Variants in KANK1 observed in about 807,000 individuals in gnomAD.
The protein encoded by KANK1 is KN motif and ankyrin repeat domains 1.
KANK1 carries 109 observed loss-of-function variants against 106.2 expected under a neutral mutation model. That is an observed-to-expected ratio of 1.03 (90% CI 0.88 to 1.20). KANK1 has a LOEUF of 1.20. KANK1 is among the 50% of genes most tolerant of loss of function. The probability of loss-of-function intolerance (pLI) is 0.00; values close to 1 mark genes in which losing one functional copy is unlikely to be tolerated. For missense variants in KANK1, 2,399 were observed against 1,710.7 expected, an observed-to-expected ratio of 1.40 and a Z score of -7.10; for synonymous variants, 873 against 652.2, an observed-to-expected ratio of 1.34 and a Z score of -5.16.
intron 1 of KANK1, among the ~76,000 whole-genome samples, chr9:529,490 C>T (rs569550013): frequency 2.1e-5 from 2 of 93,754 alleles, no homozygotes; most frequent in East Asian, 3.3e-4. Flanking sequence ...TGAGCCACCG[C>T]GCCCGGCCTC....
At chr9:658,632 A>T (rs774715723) in intron 1 of KANK1, among the ~76,000 whole-genome samples, 2 of 151,832 alleles carry the variant, frequency 1.3e-5, no homozygotes, top group Non-Finnish European at 2.9e-5. Flanking sequence ...TAGATTTAAG[A>T]TTCATTTGGA....
At chr9:508,456 A>G (rs1417813588) in intron 1 of KANK1, among the ~76,000 whole-genome samples, 2 of 152,208 alleles carry the variant, frequency 1.3e-5, no homozygotes, top group East Asian at 3.9e-4. Flanking sequence ...ACATCTTAAG[A>G]GTACATCTTC....
intron 1 of KANK1, among the ~76,000 whole-genome samples, chr9:675,459 T>A (rs1816214074): frequency 1.3e-5 from 2 of 152,206 alleles, no homozygotes; most frequent in South Asian, 4.1e-4. Flanking sequence ...GCTAGTATTT[T>A]TCGAAAGGTA....
intron 1 of KANK1, among the ~76,000 whole-genome samples, chr9:670,574 C>T (rs1588755640): frequency 6.6e-6 from 1 of 152,100 alleles, no homozygotes; most frequent in Non-Finnish European, 1.5e-5. Context: ...AGTTCATGCC[C>T]AAGAGACCTG....
chr9:744,324 C>G (rs1365738736), intron 10 of KANK1, among the ~76,000 whole-genome samples, 167 bp from the exon 11 acceptor site: 1 of 152,214 alleles, frequency 6.6e-6, no homozygotes, highest in Non-Finnish European at 1.5e-5. Flanking sequence ...TTCACATCCT[C>G]AGGCCTTCAC....
At chr9:743,371 C>T (rs994439194) in intron 10 of KANK1, among the ~76,000 whole-genome samples, 5 of 152,228 alleles carry the variant, frequency 3.3e-5, no homozygotes, top group African/African-American at 9.6e-5. Context: ...GCAGCTGTAG[C>T]AGATTCCCTT....
chr9:705,498 C>T (rs1173271968), intron 2 of KANK1, among the ~76,000 whole-genome samples: 1 of 151,698 alleles, frequency 6.6e-6, no homozygotes, highest in African/African-American at 2.4e-5. Context: ...TTATTTATTC[C>T]TTCAGTAAAC....
intron 1 of KANK1, among the ~76,000 whole-genome samples, chr9:653,370 C>G (rs1427342335): frequency 6.6e-6 from 1 of 152,040 alleles, no homozygotes; most frequent in Non-Finnish European, 1.5e-5. Flanking sequence ...GTCTCCAGTT[C>G]TCACAAGCAG....
chr9:641,403 G>A (rs919686141), intron 1 of KANK1, among the ~76,000 whole-genome samples: 2 of 152,162 alleles, frequency 1.3e-5, no homozygotes, highest in African/African-American at 4.8e-5. Flanking sequence ...ATCCATCTTG[G>A]TGGTGATCCT....
chr9:560,423 G>A (rs551050546), intron 1 of KANK1, among the ~76,000 whole-genome samples: 2 of 152,308 alleles, frequency 1.3e-5, no homozygotes, highest in East Asian at 3.9e-4. Context: ...GAACTATTAA[G>A]GAAGAGGAAA....
intron 1 of KANK1, among the ~76,000 whole-genome samples, chr9:665,346 G>A (rs1844331223): frequency 6.6e-6 from 1 of 152,156 alleles, no homozygotes; most frequent in Non-Finnish European, 1.5e-5. Flanking sequence ...ATTTGTACAT[G>A]GTGAGAGATA....
At chr9:570,230 G>A (rs1234828340) in intron 1 of KANK1, among the ~76,000 whole-genome samples, 3 of 152,174 alleles carry the variant, frequency 2.0e-5, no homozygotes, top group Non-Finnish European at 4.4e-5. Context: ...TTTTTGTGGA[G>A]ATAATGTAGA....
intron 2 of KANK1, among the ~76,000 whole-genome samples, chr9:695,956 G>A (rs1170730412): frequency 6.6e-6 from 1 of 152,060 alleles, no homozygotes; most frequent in African/African-American, 2.4e-5. Flanking sequence ...GATACTAAGA[G>A]GGCCATGTAC....
chr9:609,531 A>T (rs1830098557), intron 1 of KANK1, among the ~76,000 whole-genome samples: 1 of 152,166 alleles, frequency 6.6e-6, no homozygotes, highest in South Asian at 2.1e-4. Context: ...CAAAGGGCTG[A>T]GACAGGAGAA....
chr9:675,494 G>T (rs1816224882), intron 1 of KANK1, among the ~76,000 whole-genome samples: 1 of 152,108 alleles, frequency 6.6e-6, no homozygotes, highest in Non-Finnish European at 1.5e-5. Flanking sequence ...AGGGGAAACA[G>T]TATACTTTTT....
intron 6 of KANK1, 132 bp downstream of exon 6, chr9:732,749 A>C (rs1329819593): frequency 1.0e-6 from 1 of 958,846 alleles, no homozygotes; most frequent in Non-Finnish European, 1.6e-6. Context: ...ACACATCTTG[A>C]GATACTAATA....
In KANK1 at chr9:712,463, T is replaced by C. The variant is rs370358304; in HGVS notation, c.1697T>C (p.Met566Thr). Residue 566 changes from methionine (M) to threonine (T), a missense_variant, in exon 3 of 12, where the codon ATG becomes ACG. Physicochemically the swap from Met to Thr is moderately conservative, Grantham distance 81 (BLOSUM62 -1). Transcript: ENST00000382297. Reference protein sequence around the residue: ...KNKVVGPELPMNWWIVKERVE... With the variant: ...KNKVVGPELPTNWWIVKERVE... Reference sequence around the variant, plus strand: ...AAAGTCGTAGGGCCTGAGCTGCCTATGAATTGGTGGATTGTTAAGGAGAGG... The same window carrying C: ...AAAGTCGTAGGGCCTGAGCTGCCTACGAATTGGTGGATTGTTAAGGAGAGG... 1.3e-5 allele frequency: 21 copies of C among 1,613,996 alleles called. No individual in the cohort carries two copies. The highest frequency in any genetic ancestry group is 1.7e-5 in the Admixed American group (1 of 59,994).
Position 594,263 on chromosome 9 carries a change from G to A in KANK1, c.-83-82627G>A, listed in dbSNP as rs1012077756. Among the ~76,000 whole-genome samples, 17 of 151,856 alleles carry A rather than the reference G, an allele frequency of 1.1e-4. 1 individual carries two copies. The highest frequency in any genetic ancestry group is 2.2e-4 in the Non-Finnish European group (15 of 68,020). ...CTTTAATAAAATGTGAAGTCACAAA[G>A]CAATTAAATAGTAGTGTAGTTTTCA... On this transcript the variant is annotated intron_variant, in intron 1 of 11. Coordinates refer to ENST00000382297, the MANE Select transcript of KANK1 (RefSeq NM_015158.5).
chr9:566,210 A>C (rs1817769919), intron 1 of KANK1, among the ~76,000 whole-genome samples: 1 of 152,200 alleles, frequency 6.6e-6, no homozygotes, highest in Non-Finnish European at 1.5e-5. Context: ...ATGGCTGCAT[A>C]GTATTTCATG....
Sources: gnomAD v4.1 joint callset for allele counts (sites outside exome capture counted in the v4.1 genomes callset) on GRCh38, gnomAD v4.1.1 for gene constraint, MANE v1.5 for transcripts, NCBI Gene and HGNC (gene_info 2026-07-23, HGNC 2026-07-21) for gene names.